The following FRMD4B variants were observed in gnomAD, a reference collection of about 807,000 sequenced individuals.
FRMD4B encodes FERM domain containing 4B.
In FRMD4B, 74 loss-of-function variants were observed where a neutral mutation model predicts 141.5. The observed-to-expected ratio is 0.52, with a 90% CI of 0.43 to 0.63. The LOEUF (loss-of-function observed/expected upper bound fraction) is 0.63. Among genes scored for constraint, FRMD4B ranks in the 30% least tolerant of loss-of-function variants. FRMD4B has a pLI of 0.00. For synonymous variants in FRMD4B, 506 were observed against 467.9 expected, an observed-to-expected ratio of 1.08 and a Z score of -1.05; for missense variants, 1,366 against 1,253.4, an observed-to-expected ratio of 1.09 and a Z score of -1.36.
intron 5 of FRMD4B, among the ~76,000 whole-genome samples, chr3:69,257,471 G>GT (rs2093499934): frequency 6.6e-6 from 1 of 152,114 alleles, no homozygotes; most frequent in Admixed American, 6.5e-5. Flanking sequence ...GTAAGTGATT[G>GT]TAACTCCCTC....
chr3:69,434,667 A>G (rs1330085258), intron 1 of FRMD4B, among the ~76,000 whole-genome samples: 1 of 152,184 alleles, frequency 6.6e-6, no homozygotes, highest in Non-Finnish European at 1.5e-5. Flanking sequence ...AACACACCAA[A>G]TATGCAAATA....
At chr3:69,353,591 G>A (rs1703225221) in intron 1 of FRMD4B, 2 of 985,244 alleles carry the variant, frequency 2.0e-6, no homozygotes, top group African/African-American at 3.5e-5. Flanking sequence ...TGAAGAGAGT[G>A]CTTAAGACAA....
chr3:69,401,559 T>C (rs1023208723), intron 2 of FRMD4B, among the ~76,000 whole-genome samples: 22 of 152,144 alleles, frequency 1.4e-4, no homozygotes, highest in African/African-American at 5.3e-4. Context: ...CTTCCTCTCT[T>C]TCTTTTCTGA....
chr3:69,503,735 T>C (rs1422722591), intron 1 of FRMD4B, among the ~76,000 whole-genome samples: 1 of 152,194 alleles, frequency 6.6e-6, no homozygotes, highest in Non-Finnish European at 1.5e-5. Flanking sequence ...TGCCCCATCA[T>C]GCATGCTTCC....
intron 18 of FRMD4B, among the ~76,000 whole-genome samples, chr3:69,188,763 C>T (rs1200603887): frequency 1.5e-5 from 1 of 66,838 alleles, no homozygotes; most frequent in African/African-American, 5.7e-5. Flanking sequence ...GACTCCGTCT[C>T]AAAAAAAAAA....
At chr3:69,247,182 A>T (rs1032081322) in intron 7 of FRMD4B, among the ~76,000 whole-genome samples, 2 of 152,146 alleles carry the variant, frequency 1.3e-5, no homozygotes, top group Non-Finnish European at 2.9e-5. Context: ...GCCCTGGGCA[A>T]CGTTTACATA....
chr3:69,244,497 A>G (rs1473878764), intron 7 of FRMD4B, among the ~76,000 whole-genome samples: 2 of 152,184 alleles, frequency 1.3e-5, no homozygotes, highest in Admixed American at 1.3e-4. Context: ...TTTGAGACAC[A>G]GTCTCAATGC....
At chr3:69,395,383 G>C (rs1235322565) in intron 2 of FRMD4B, among the ~76,000 whole-genome samples, 1 of 152,110 alleles carries the variant, frequency 6.6e-6, no homozygotes, top group East Asian at 1.9e-4. Flanking sequence ...GGTGTACATA[G>C]TACTGAACTG....
intron 1 of FRMD4B, among the ~76,000 whole-genome samples, chr3:69,472,730 G>A (rs538620845): frequency 2.0e-4 from 30 of 152,140 alleles, no homozygotes; most frequent in Middle Eastern, 6.8e-3. Context: ...AAAGCTCTCC[G>A]CTGCAGAGAG....
At chr3:69,489,506 T>G (rs1460872032) in intron 1 of FRMD4B, among the ~76,000 whole-genome samples, 1 of 150,452 alleles carries the variant, frequency 6.6e-6, no homozygotes, top group Non-Finnish European at 1.5e-5. Context: ...CATTATTCAT[T>G]AGGGAAATGC....
intron 7 of FRMD4B, 47 bp downstream of exon 7, chr3:69,249,179 T>A: frequency 4.2e-6 from 5 of 1,196,528 alleles, no homozygotes; most frequent in Non-Finnish European, 6.1e-6. Flanking sequence ...ATAAAATGAT[T>A]CTTTAGGGTT....
At chr3:69,226,419 C>T (rs1253963579) in intron 7 of FRMD4B, among the ~76,000 whole-genome samples, 1 of 102,824 alleles carries the variant, frequency 9.7e-6, no homozygotes, top group East Asian at 3.6e-4. Context: ...TGGCATACCA[C>T]ATTTACTTTT....
chr3:69,501,308 C>T (rs76662317), intron 1 of FRMD4B, among the ~76,000 whole-genome samples: 1,704 of 149,708 alleles, frequency 0.011, 87 homozygotes, highest in East Asian at 0.099. Context: ...ACAATTCTTC[C>T]AGTGTGGCTC....
At chr3:69,503,684 T>G (rs1469132525) in intron 1 of FRMD4B, among the ~76,000 whole-genome samples, 1 of 152,118 alleles carries the variant, frequency 6.6e-6, no homozygotes, top group Non-Finnish European at 1.5e-5. Flanking sequence ...TAAAGTATAA[T>G]AAAAACAAAT....
At chr3:69,173,963 C>G (rs1343352626) in intron 22 of FRMD4B, among the ~76,000 whole-genome samples, 3 of 151,956 alleles carry the variant, frequency 2.0e-5, no homozygotes, top group Non-Finnish European at 4.4e-5. Context: ...ATGGCAAAAC[C>G]CTGTCTCTAT....
intron 5 of FRMD4B, among the ~76,000 whole-genome samples, chr3:69,270,590 G>A (rs1240756006): frequency 5.0e-5 from 7 of 141,224 alleles, no homozygotes; most frequent in East Asian, 2.1e-4. Context: ...TTTTTGAGAC[G>A]GAGTCTCGCT....
intron 5 of FRMD4B, among the ~76,000 whole-genome samples, chr3:69,279,818 A>T (rs1221862157): frequency 8.0e-6 from 1 of 124,446 alleles, no homozygotes; most frequent in Non-Finnish European, 1.7e-5. Flanking sequence ...CTTCCTTCCC[A>T]CTTCTGCAGA....
chr3:69,470,665 C>A (rs1344776590), intron 1 of FRMD4B, among the ~76,000 whole-genome samples: 1 of 152,128 alleles, frequency 6.6e-6, no homozygotes, highest in Non-Finnish European at 1.5e-5. Context: ...GTTATCTCTG[C>A]AGCTGTAGAC....
chr3:69,244,554 A>G (rs889008676), intron 7 of FRMD4B, among the ~76,000 whole-genome samples: 1 of 152,076 alleles, frequency 6.6e-6, no homozygotes, highest in Admixed American at 6.6e-5. Context: ...AATCTCTTGA[A>G]CCCAGGAGGT....
Sources: allele counts gnomAD v4.1 joint callset (sites outside exome capture counted in the v4.1 genomes callset), GRCh38; gene constraint gnomAD v4.1.1; transcripts MANE v1.5; gene names NCBI Gene and HGNC (gene_info 2026-07-23, HGNC 2026-07-21).